CAST: variants seen among roughly 807,000 people sequenced by gnomAD.
The protein encoded by CAST is calpastatin, also known as MIR583 host.
CAST carries 76 observed loss-of-function variants against 119.6 expected under a neutral mutation model. The ratio of observed to expected loss-of-function variants is 0.64; its 90% CI spans 0.53 to 0.77. The LOEUF (loss-of-function observed/expected upper bound fraction) is 0.77. Among genes scored for constraint, CAST ranks in the 30% least tolerant of loss-of-function variants. The pLI is 0.00. For missense variants in CAST, 953 were observed against 946.5 expected, an observed-to-expected ratio of 1.01 and a Z score of -0.09; for synonymous variants, 319 against 331.6, an observed-to-expected ratio of 0.96 and a Z score of 0.41.
chr5:95,985,219 C>T, the CAST span, among the ~76,000 whole-genome samples: 1 of 152,142 alleles, frequency 6.6e-6, no homozygotes. Flanking sequence ...GAGACGGAGG[C>T]AGGAGGATCA....
At chr5:96,688,789 G>GA (rs1752375709) in intron 2 of CAST, among the ~76,000 whole-genome samples, 1 of 152,098 alleles carries the variant, frequency 6.6e-6, no homozygotes, top group South Asian at 2.1e-4. Context: ...TAAACCAGAA[G>GA]AAAAAGAACA....
chr5:95,975,562 A>G, the CAST span, among the ~76,000 whole-genome samples: 1 of 152,182 alleles, frequency 6.6e-6, no homozygotes, highest in Non-Finnish European at 1.5e-5. Context: ...CACATAGTAC[A>G]AGTAAGTGTT....
chr5:96,136,771 C>A, the CAST span, among the ~76,000 whole-genome samples: 1 of 152,194 alleles, frequency 6.6e-6, no homozygotes, highest in Non-Finnish European at 1.5e-5. Context: ...AACTGGCTTT[C>A]CTCAGCTGTC....
the CAST span, among the ~76,000 whole-genome samples, chr5:96,158,224 T>C: frequency 6.6e-5 from 10 of 152,198 alleles, no homozygotes; most frequent in Non-Finnish European, 1.3e-4. Context: ...GGAGAGACCA[T>C]GAAAAGAGTC....
intron 3 of CAST, chr5:96,702,871 C>T: frequency 1.0e-6 from 1 of 985,532 alleles, no homozygotes; most frequent in Non-Finnish European, 1.2e-6. Flanking sequence ...ATGCAGACCT[C>T]CTGAAAACCA....
At chr5:96,430,667 G>A in the CAST span, among the ~76,000 whole-genome samples, 4 of 152,154 alleles carry the variant, frequency 2.6e-5, no homozygotes, top group African/African-American at 9.7e-5. Flanking sequence ...GCAGAACCAG[G>A]AACGTGCTAT....
At chr5:96,621,959 C>CT (rs1380323948) in intron 1 of CAST, among the ~76,000 whole-genome samples, 1 of 130,390 alleles carries the variant, frequency 7.7e-6, no homozygotes, top group Non-Finnish European at 1.6e-5. Context: ...CTTTTTTTTT[C>CT]TTTTTTTCTC....
chr5:96,561,853 C>G (rs1351778562), intron 1 of CAST, among the ~76,000 whole-genome samples: 1 of 116,050 alleles, frequency 8.6e-6, no homozygotes, highest in Non-Finnish European at 1.7e-5. Context: ...AGTGCAGTGG[C>G]GCGATCTCGG....
chr5:96,131,193 A>G, the CAST span, among the ~76,000 whole-genome samples: 1 of 152,136 alleles, frequency 6.6e-6, no homozygotes, highest in Admixed American at 6.6e-5. Flanking sequence ...AATATCATGC[A>G]GTTACTAAAA....
chr5:96,173,932 C>T, the CAST span, among the ~76,000 whole-genome samples: 1 of 151,942 alleles, frequency 6.6e-6, no homozygotes, highest in Non-Finnish European at 1.5e-5. Flanking sequence ...TTAGTAGACA[C>T]GGGGTTTTCC....
At chr5:96,567,286 A>G (rs1746484674) in intron 1 of CAST, among the ~76,000 whole-genome samples, 1 of 152,158 alleles carries the variant, frequency 6.6e-6, no homozygotes, top group Admixed American at 6.6e-5. Flanking sequence ...CACATTACAA[A>G]TCAAACCACA....
intron 1 of CAST, among the ~76,000 whole-genome samples, chr5:96,598,001 A>G (rs1747084462): frequency 6.6e-6 from 1 of 152,162 alleles, no homozygotes; most frequent in African/African-American, 2.4e-5. Context: ...GCAAGGCTCT[A>G]TCTCTACCTC....
chr5:96,138,250 C>CT, the CAST span, among the ~76,000 whole-genome samples: 3 of 151,816 alleles, frequency 2.0e-5, no homozygotes, highest in African/African-American at 4.8e-5. Flanking sequence ...AAAGACAATC[C>CT]TTTTTTTCAT....
At chr5:96,640,329 A>C (rs1747934950) in intron 1 of CAST, among the ~76,000 whole-genome samples, 1 of 152,208 alleles carries the variant, frequency 6.6e-6, no homozygotes, top group Non-Finnish European at 1.5e-5. Context: ...ACAAAGGAAG[A>C]AGAGAAGAAA....
the CAST span, among the ~76,000 whole-genome samples, chr5:96,043,275 T>G: frequency 6.6e-6 from 1 of 152,166 alleles, no homozygotes; most frequent in Non-Finnish European, 1.5e-5. Flanking sequence ...GAATAAGACG[T>G]CCATTTGTTC....
the CAST span, among the ~76,000 whole-genome samples, chr5:96,126,691 GTTAT>G: frequency 6.6e-6 from 1 of 152,056 alleles, no homozygotes; most frequent in South Asian, 2.1e-4. Flanking sequence ...AATAATTATA[GTTAT>G]TTGTTTATCT....
the CAST span, among the ~76,000 whole-genome samples, chr5:96,030,495 G>T: frequency 6.6e-6 from 1 of 152,152 alleles, no homozygotes; most frequent in African/African-American, 2.4e-5. Context: ...CCTCATTTAG[G>T]TTAATGACTG....
chr5:96,485,192 G>A, the CAST span, among the ~76,000 whole-genome samples: 1 of 152,130 alleles, frequency 6.6e-6, no homozygotes, highest in African/African-American at 2.4e-5. Flanking sequence ...CTCATGGATT[G>A]AAAAGTGAGT....
chr5:96,376,472 G>T, the CAST span, among the ~76,000 whole-genome samples: 1 of 149,878 alleles, frequency 6.7e-6, no homozygotes, highest in African/African-American at 2.5e-5. Flanking sequence ...ACAGAGTCTC[G>T]CTCTGTCGCC....
Sources: allele counts gnomAD v4.1 joint callset (sites outside exome capture counted in the v4.1 genomes callset), GRCh38; gene constraint gnomAD v4.1.1; transcripts MANE v1.5; gene names NCBI Gene and HGNC (gene_info 2026-07-23, HGNC 2026-07-21).